The following GNG7 variants were observed in gnomAD, a reference collection of about 807,000 sequenced individuals.
GNG7 encodes the protein G protein subunit gamma 7.
Under a neutral mutation model 4.0 loss-of-function variants are expected in GNG7, and 1 was observed. The ratio of observed to expected loss-of-function variants is 0.25; its 90% CI spans 0.09 to 1.18. The LOEUF (loss-of-function observed/expected upper bound fraction) is 1.18. Among genes scored for constraint, GNG7 ranks in the 50% most tolerant of loss-of-function variants. The pLI is 0.50. For synonymous variants in GNG7, 34 were observed against 36.9 expected (o/e 0.92, Z 0.29); for missense variants, 86 against 91.9 (o/e 0.94, Z 0.26).
At chr19:2,568,663 AT>A (rs1343921468) in intron 2 of GNG7, among the ~76,000 whole-genome samples, 2 of 53,000 alleles carry the variant, frequency 3.8e-5, no homozygotes, top group African/African-American at 6.3e-5. Context: ...ACATATACAC[AT>A]ACACATACAC....
chr19:2,702,573 G>GCTGTCCCAGTCCC (rs1913434236), intron 1 of GNG7, 73 bp downstream of exon 1: 1 of 151,916 alleles, frequency 6.6e-6, no homozygotes, highest in Non-Finnish European at 1.5e-5. Flanking sequence ...CCGAATCCGA[G>GCTGTCCCAGTCCC]CTGTCCCAGT....
chr19:2,587,051 C>A (rs1049793714), intron 2 of GNG7, among the ~76,000 whole-genome samples: 1 of 150,436 alleles, frequency 6.6e-6, no homozygotes, highest in Non-Finnish European at 1.5e-5. Flanking sequence ...AGAATCCTGG[C>A]ATCCACTACC....
In GNG7 at chr19:2,513,561, G is replaced by A. The variant is rs566170785; in HGVS notation, c.*1461C>T. On this transcript the variant is annotated 3_prime_UTR_variant, in exon 5 of 5. Coordinates refer to ENST00000382159, the MANE Select transcript of GNG7 (RefSeq NM_052847.3). ...TTCGATTTCCACTTGCCGCTGGGAG[G>A]AGTGGCCCATCCTGCGTCTAAGGCA... 8.6e-5 allele frequency: 85 copies of A among 985,520 alleles called. No individual in the cohort carries two copies. Among genetic ancestry groups the A allele is most frequent in the South Asian group, 7.5e-4 (16 of 21,292 alleles). The allele number at this position is 985,520 out of a possible 1,614,324, so 61.0% of individuals were successfully genotyped here.
intron 1 of GNG7, among the ~76,000 whole-genome samples, chr19:2,672,865 T>A (rs929695024): frequency 2.0e-5 from 3 of 152,114 alleles, no homozygotes; most frequent in Non-Finnish European, 4.4e-5. Context: ...CCTGATGTGT[T>A]CTCCCCAGAG....
chr19:2,592,955 A>G (rs890764462), intron 2 of GNG7, among the ~76,000 whole-genome samples: 8 of 145,480 alleles, frequency 5.5e-5, no homozygotes, highest in African/African-American at 2.1e-4. Context: ...AGGACGGAAG[A>G]AAGAAAGAAA....
chr19:2,569,128 G>A (rs1980065128), intron 2 of GNG7, among the ~76,000 whole-genome samples: 1 of 151,726 alleles, frequency 6.6e-6, no homozygotes, highest in Admixed American at 6.6e-5. Context: ...TATACCCACA[G>A]GTGCGCGCAC....
At chr19:2,516,193 G>C (rs1972733010) in intron 4 of GNG7, among the ~76,000 whole-genome samples, 1 of 151,962 alleles carries the variant, frequency 6.6e-6, no homozygotes, top group Non-Finnish European at 1.5e-5. Context: ...CTCCAGCCTG[G>C]GGGATGGAGC....
At chr19:2,576,149 C>T (rs762850442) in intron 2 of GNG7, among the ~76,000 whole-genome samples, 40 of 152,224 alleles carry the variant, frequency 2.6e-4, no homozygotes, top group African/African-American at 7.7e-4. Flanking sequence ...ACATGCGGCA[C>T]GGGCACGTGC....
intron 2 of GNG7, among the ~76,000 whole-genome samples, chr19:2,604,174 C>T (rs934001240): frequency 6.6e-6 from 1 of 151,884 alleles, no homozygotes; most frequent in African/African-American, 2.4e-5. Context: ...TTTTAACACA[C>T]TGAAAAGTGG....
chr19:2,520,483 A>G, intron 4 of GNG7, 125 bp downstream of exon 4: 1 of 609,818 alleles, frequency 1.6e-6, no homozygotes, highest in South Asian at 1.9e-5. Context: ...GGAGGGCCTC[A>G]AGGTCACACA....
intron 2 of GNG7, chr19:2,612,007 TG>T (rs1249330251): frequency 1.1e-4 from 16 of 151,952 alleles, no homozygotes; most frequent in African/African-American, 3.9e-4. Context: ...CCCAAGTAGC[TG>T]GAACTACAGG....
intron 2 of GNG7, among the ~76,000 whole-genome samples, chr19:2,635,695 G>A (rs932255441): frequency 6.6e-6 from 1 of 151,648 alleles, no homozygotes; most frequent in Non-Finnish European, 1.5e-5. Flanking sequence ...TGATTCTCCT[G>A]CCTCAGCCTA....
intron 2 of GNG7, among the ~76,000 whole-genome samples, chr19:2,644,054 T>C (rs1346973894): frequency 6.6e-6 from 1 of 152,032 alleles, no homozygotes; most frequent in Non-Finnish European, 1.5e-5. Context: ...GGAGTCTCGC[T>C]CTGTCGCCCA....
intron 2 of GNG7, among the ~76,000 whole-genome samples, chr19:2,574,905 G>A (rs947460010): frequency 6.6e-6 from 1 of 152,140 alleles, no homozygotes; most frequent in Non-Finnish European, 1.5e-5. Flanking sequence ...TCAGCGTCCT[G>A]CCTGTTAAAT....
chr19:2,588,285 G>C (rs1374261294), intron 2 of GNG7, among the ~76,000 whole-genome samples: 1 of 152,154 alleles, frequency 6.6e-6, no homozygotes, highest in African/African-American at 2.4e-5. Context: ...GGAGAGTCCG[G>C]CTGAATTGCA....
intron 3 of GNG7, among the ~76,000 whole-genome samples, chr19:2,526,099 T>C (rs1341093259): frequency 1.3e-5 from 2 of 151,762 alleles, no homozygotes; most frequent in Admixed American, 6.6e-5. Context: ...GCTTCCCAAG[T>C]AGCTGAGACT....
intron 1 of GNG7, among the ~76,000 whole-genome samples, chr19:2,691,907 C>G (rs551204026): frequency 2.6e-5 from 4 of 151,946 alleles, no homozygotes; most frequent in African/African-American, 7.2e-5. Context: ...TCCACGGACA[C>G]CCGGGGAGAA....
At chr19:2,645,984 C>T (rs1409898704) in intron 2 of GNG7, among the ~76,000 whole-genome samples, 1 of 152,130 alleles carries the variant, frequency 6.6e-6, no homozygotes, top group Non-Finnish European at 1.5e-5. Context: ...GGGGCTCCGG[C>T]ACCAGCAGGA....
Position 2,609,101 on chromosome 19 carries a change from A to G in GNG7, c.-78+37123T>C, listed in dbSNP as rs1334156939. On this transcript the variant is annotated intron_variant, in intron 2 of 4. Transcript: ENST00000382159. This position sits in a 1 kb window ranked among gnomAD's most constrained non-coding sequence, Gnocchi z 4.4. ...GAGTGCAGTGGTGCGATCTTGGCTC[A>G]CCGCAACCTCTGCCTCTCAGGTTCA... Among the ~76,000 whole-genome samples the G allele has an allele frequency of 6.6e-6, 1 of 151,816 alleles. No homozygotes were observed. The highest frequency in any genetic ancestry group is 1.5e-5 in the Non-Finnish European group (1 of 67,998).
Sources: allele counts gnomAD v4.1 joint callset (sites outside exome capture counted in the v4.1 genomes callset), GRCh38; gene constraint gnomAD v4.1.1; non-coding constraint Gnocchi (gnomAD v3.1); transcripts MANE v1.5; gene names NCBI Gene and HGNC (gene_info 2026-07-23, HGNC 2026-07-21).